PIK3AP1: variants seen among roughly 807,000 people sequenced by gnomAD.
PIK3AP1 encodes the protein phosphoinositide 3-kinase adapter protein 1.
A neutral mutation model predicts 88.1 loss-of-function variants in PIK3AP1; 21 were observed. The observed-to-expected ratio is 0.24, with a 90% CI of 0.17 to 0.34. PIK3AP1 has a LOEUF of 0.34. Ranked by LOEUF, PIK3AP1 falls within the 10% of genes least tolerant of loss-of-function variation. The pLI is 1.00. For missense variants in PIK3AP1, 828 were observed against 1,035.7 expected, an observed-to-expected ratio of 0.80 and a Z score of 2.75; for synonymous variants, 398 against 400.0, an observed-to-expected ratio of 1.00 and a Z score of 0.06.
At chr10:96,714,566 G>C (rs1844478669) in intron 1 of PIK3AP1, among the ~76,000 whole-genome samples, 1 of 152,192 alleles carries the variant, frequency 6.6e-6, no homozygotes, top group Non-Finnish European at 1.5e-5. Context: ...TCCAATAAAA[G>C]GATCCAGGAT....
intron 1 of PIK3AP1, among the ~76,000 whole-genome samples, chr10:96,712,231 C>A (rs1844448985): frequency 1.3e-5 from 2 of 152,118 alleles, no homozygotes; most frequent in Non-Finnish European, 2.9e-5. Flanking sequence ...GTGTACAAAT[C>A]TTTTAAAAAG....
At position 96,709,886 on chromosome 10, in the gene PIK3AP1, G is replaced by T; in HGVS notation, c.111C>A (p.Val37=). Residue 37 remains valine (V), a synonymous_variant, in exon 2 of 17, where the codon GTC becomes GTA. Transcript: ENST00000339364. ...LQTLFLSSRQ[V]RSQKILTHRL... ...TGTGAGTCAGTATCTTCTGGCTGCG[G>T]ACCTGCCGACTGGACAGGAACAGGG... 1 of 1,613,680 alleles carries T rather than the reference G, an allele frequency of 6.2e-7. No individual in the cohort carries two copies. The highest frequency in any genetic ancestry group is 8.5e-7 in the Non-Finnish European group (1 of 1,179,944).
rs574016227 is a variant in PIK3AP1 at position 96,665,776 on chromosome 10, G to A, written c.431-8842C>T. 9.9e-5 allele frequency among the ~76,000 whole-genome samples: 15 copies of A among 152,214 alleles called. No homozygotes were observed. The East Asian group carries it at 2.9e-3, about 29-fold the overall frequency. On this transcript the variant is annotated intron_variant, in intron 2 of 16. Coordinates refer to ENST00000339364, the MANE Select transcript of PIK3AP1 (RefSeq NM_152309.3). ...TCAGAGGTTACTGAGGAAAGAAGGGGGCAGGATGATATGGAAATGAGACAT... is the reference window on the plus strand; with the variant it reads ...TCAGAGGTTACTGAGGAAAGAAGGGAGCAGGATGATATGGAAATGAGACAT...
Position 96,668,736 on chromosome 10 carries a change from T to G in PIK3AP1, c.431-11802A>C, listed in dbSNP as rs139818324. ...AAAGACTGAAGAAGATTCAAAGATT[T>G]CTTAGAAGGATGCAGATGAGCAACC... On this transcript the variant is annotated intron_variant, in intron 2 of 16. Transcript: ENST00000339364. 1.8e-4 allele frequency among the ~76,000 whole-genome samples: 28 copies of G among 152,292 alleles called. No homozygotes were observed. In the East Asian group the frequency reaches 5.0e-3, roughly 27 times the overall value.
Position 96,709,940 on chromosome 10 carries a change from A to G in PIK3AP1, c.57T>C (p.Asp19=), listed in dbSNP as rs1458583556. ...GCAGGTACTGGCACCATTCCTCGGC[A>G]TCCGGGCTGTAGACGATGAGGATGT... ...GCDILIVYSP[D]AEEWCQYLQT... Residue 19 remains aspartate, a synonymous_variant, in exon 2 of 17, where the codon GAT becomes GAC. Transcript: ENST00000339364. The G allele has an allele frequency of 9.3e-6, 15 of 1,605,030 alleles. No individual in the cohort carries two copies. The highest frequency in any genetic ancestry group is 1.3e-5 in the Non-Finnish European group (15 of 1,173,440).
At position 96,648,686 on chromosome 10, in the gene PIK3AP1, G is replaced by A; in HGVS notation, c.1158C>T (p.Asp386=). 1.9e-6 allele frequency: 3 copies of A among 1,609,030 alleles called. No individual in the cohort carries two copies. In the South Asian group the frequency reaches 3.3e-5, roughly 18 times the overall value. ...CATACTCGTCGATGAACTGCCGCAGGTCCCTGAAGCCGTGTTTCTCAGCGA... is the reference window on the plus strand; with the variant it reads ...CATACTCGTCGATGAACTGCCGCAGATCCCTGAAGCCGTGTTTCTCAGCGA... The part of the protein sequence containing the change: ...NTIAEKHGFR[D]LRQFIDEYVE... Residue 386 remains aspartate (D), a synonymous_variant, in exon 7 of 17, where the codon GAC becomes GAT. Coordinates refer to ENST00000339364, the MANE Select transcript of PIK3AP1 (RefSeq NM_152309.3).
At position 96,650,653 on chromosome 10, in the gene PIK3AP1, G is replaced by A. The variant is rs547634185; in HGVS notation, c.988+595C>T. On this transcript the variant is annotated intron_variant, in intron 6 of 16. Coordinates refer to ENST00000339364, the MANE Select transcript of PIK3AP1 (RefSeq NM_152309.3). ...AGCAGGTGAATGGAACCTACTGGAG[G>A]TTTGGAGAAGGTCTTCTAGGGAAGT... 3.2e-4 allele frequency among the ~76,000 whole-genome samples: 48 copies of A among 152,314 alleles called. 1 individual carries two copies. The South Asian group carries it at 9.7e-3, about 31-fold the overall frequency.
intron 2 of PIK3AP1, among the ~76,000 whole-genome samples, chr10:96,674,415 A>C: frequency 6.6e-6 from 1 of 152,208 alleles, no homozygotes; most frequent in African/African-American, 2.4e-5. Flanking sequence ...GGTTTGTTGC[A>C]CAGGCTTATT....
chr10:96,714,897 C>T (rs982261381), intron 1 of PIK3AP1, among the ~76,000 whole-genome samples: 12 of 152,072 alleles, frequency 7.9e-5, no homozygotes, highest in Admixed American at 1.3e-4. Context: ...ATCTCCCATG[C>T]ATAACAATTC....
At chr10:96,625,407 A>C (rs560790321) in intron 10 of PIK3AP1, among the ~76,000 whole-genome samples, 1 of 152,328 alleles carries the variant, frequency 6.6e-6, no homozygotes, top group African/African-American at 2.4e-5. Flanking sequence ...GCTCATGCCA[A>C]GGAGATAATA....
chr10:96,656,737 T>G (rs1414357125), intron 3 of PIK3AP1, 61 bp downstream of exon 3: 2 of 1,596,718 alleles, frequency 1.3e-6, no homozygotes, highest in Admixed American at 1.7e-5. Flanking sequence ...CTGCAACAAA[T>G]GCATGCATTT....
intron 3 of PIK3AP1, among the ~76,000 whole-genome samples, chr10:96,655,471 C>T (rs1025206820): frequency 2.6e-5 from 4 of 152,200 alleles, no homozygotes; most frequent in Non-Finnish European, 2.9e-5. Flanking sequence ...CTCACCACTA[C>T]ACTCCAGCCT....
chr10:96,619,222 C>T (rs1434979831), intron 12 of PIK3AP1, among the ~76,000 whole-genome samples: 10 of 152,280 alleles, frequency 6.6e-5, no homozygotes, highest in African/African-American at 2.4e-5. Flanking sequence ...TCAGCAAATG[C>T]GGCCTGATGA....
chr10:96,598,924 T>C (rs1257394050), intron 16 of PIK3AP1, among the ~76,000 whole-genome samples: 2 of 152,208 alleles, frequency 1.3e-5, no homozygotes, highest in East Asian at 3.8e-4. Flanking sequence ...GGACTTGAGC[T>C]AGGCAGAGCC....
intron 16 of PIK3AP1, among the ~76,000 whole-genome samples, chr10:96,598,105 G>A (rs1268342708): frequency 6.8e-6 from 1 of 147,038 alleles, no homozygotes; most frequent in African/African-American, 2.5e-5. Context: ...ATGCAATGGC[G>A]CAATCACAGC....
intron 2 of PIK3AP1, among the ~76,000 whole-genome samples, chr10:96,664,034 T>C (rs952539832): frequency 6.6e-6 from 1 of 152,218 alleles, no homozygotes; most frequent in Non-Finnish European, 1.5e-5. Context: ...GAAAGCCATG[T>C]GTCCACACCC....
intron 14 of PIK3AP1, among the ~76,000 whole-genome samples, chr10:96,604,404 C>T (rs1247437763): frequency 7.9e-6 from 1 of 125,854 alleles, no homozygotes; most frequent in Non-Finnish European, 1.6e-5. Flanking sequence ...CACTCTGTTG[C>T]ACAGGCTGGT....
intron 2 of PIK3AP1, among the ~76,000 whole-genome samples, chr10:96,666,639 G>A (rs1277711783): frequency 6.6e-6 from 1 of 152,042 alleles, no homozygotes; most frequent in Non-Finnish European, 1.5e-5. Context: ...TGCTAGGTAA[G>A]AGCTGGTGAC....
chr10:96,671,402 G>A (rs987513609), intron 2 of PIK3AP1, among the ~76,000 whole-genome samples: 8 of 152,126 alleles, frequency 5.3e-5, no homozygotes, highest in Non-Finnish European at 8.8e-5. Context: ...CTTGGTCATT[G>A]GGTAGTGAAT....
Sources: gnomAD v4.1 joint callset for allele counts (sites outside exome capture counted in the v4.1 genomes callset) on GRCh38, gnomAD v4.1.1 for gene constraint, MANE v1.5 for transcripts, NCBI Gene and HGNC (gene_info 2026-07-23, HGNC 2026-07-21) for gene names.